CTNS: variants seen among roughly 807,000 people sequenced by gnomAD.
CTNS encodes the protein cystinosin.
Under a neutral mutation model 43.7 loss-of-function variants are expected in CTNS, and 27 were observed. The observed-to-expected ratio is 0.62, with a 90% CI of 0.46 to 0.85. The LOEUF (loss-of-function observed/expected upper bound fraction) is 0.85, where lower values mean the gene tolerates loss of function less well. CTNS is among the 40% of genes least tolerant of loss of function. CTNS has a pLI of 0.00. For synonymous variants in CTNS, 187 were observed against 190.6 expected, an observed-to-expected ratio of 0.98 and a Z score of 0.16; for missense variants, 457 against 475.4, an observed-to-expected ratio of 0.96 and a Z score of 0.36.
At chr17:3,647,635 A>T (rs2075876182) in intron 4 of CTNS, 113 bp downstream of exon 4, 1 of 935,640 alleles carries the variant, frequency 1.1e-6, no homozygotes, top group Admixed American at 1.9e-5. Context: ...CTTGCCTCTT[A>T]CCTGTAAGAC....
At chr17:3,656,999 T>C (rs1294905005) in intron 9 of CTNS, 1 of 744,960 alleles carries the variant, frequency 1.3e-6, no homozygotes, top group Non-Finnish European at 2.2e-6. Flanking sequence ...GGAGAGGCAG[T>C]GCCTGGACTC....
At chr17:3,657,963 C>A (rs370834608) in intron 9 of CTNS, 42 bp from the exon 10 acceptor site, 3 of 1,601,406 alleles carry the variant, frequency 1.9e-6, no homozygotes, top group East Asian at 2.2e-5. Flanking sequence ...CCCGGCGTGG[C>A]CTCTGTGTGG....
intron 3 of CTNS, among the ~76,000 whole-genome samples, chr17:3,641,131 C>G (rs370393534): frequency 2.6e-3 from 397 of 151,832 alleles, no homozygotes; most frequent in Non-Finnish European, 3.5e-3. Flanking sequence ...CCCAGCAGGG[C>G]TAGGGGTCAG....
In CTNS at chr17:3,660,896, G is replaced by A. The variant is rs79668190; in HGVS notation, c.*527G>A. ...TTTCTCTGAAGGCCACTTTCCTGAC[G>A]TACTCTCTGTACATAACTCAGCGTC... is the stretch of plus-strand genomic sequence containing the variant. On this transcript the variant is annotated 3_prime_UTR_variant, in exon 12 of 12. Transcript: ENST00000046640. 14,525 of 1,020,708 alleles carry A rather than the reference G, an allele frequency of 0.014. 1,373 individuals carry two copies. In the African/African-American group the frequency reaches 0.2, roughly 14 times the overall value. The allele number at this position is 1,020,708 out of a possible 1,614,324, so 63.2% of individuals were successfully genotyped here. A position where few individuals can be genotyped will look rare whatever the true frequency, so the allele number is the denominator to read the frequency against.
chr17:3,643,538 G>C (rs958426033), intron 3 of CTNS, among the ~76,000 whole-genome samples: 2 of 152,010 alleles, frequency 1.3e-5, no homozygotes, highest in African/African-American at 4.8e-5. Context: ...ACACCAGCGT[G>C]AGCGACATAG....
chr17:3,641,384 A>ATTTTT (rs869072123), intron 3 of CTNS, among the ~76,000 whole-genome samples: 16 of 31,200 alleles, frequency 5.1e-4, no homozygotes, highest in Non-Finnish European at 5.9e-4. Context: ...ATATATATAT[A>ATTTTT]TTTTTTTTTT....
chr17:3,659,338 G>T (rs1383515194), intron 10 of CTNS, among the ~76,000 whole-genome samples: 1 of 152,200 alleles, frequency 6.6e-6, no homozygotes. Context: ...AGGCCTGTGG[G>T]GGGCGTTAAC....
At chr17:3,639,645 G>A (rs1359788633) in intron 2 of CTNS, among the ~76,000 whole-genome samples, 1 of 146,192 alleles carries the variant, frequency 6.8e-6, no homozygotes, top group African/African-American at 2.5e-5. Flanking sequence ...TCCAGCCTGG[G>A]CAACAGAGCA....
In CTNS at chr17:3,660,381, C is replaced by G. The variant is rs757412668; in HGVS notation, c.*12C>G. The G allele has an allele frequency of 1.9e-6, 3 of 1,614,170 alleles. No individual in the cohort carries two copies. In the South Asian group the frequency reaches 3.3e-5, roughly 18 times the overall value. ...ACCAGCTGAACTAGCACCCAGGGACCCAGTGTACCCAGCCTCTGGCCTCGT... is the reference window on the plus strand; with the variant it reads ...ACCAGCTGAACTAGCACCCAGGGACGCAGTGTACCCAGCCTCTGGCCTCGT... On this transcript the variant is annotated 3_prime_UTR_variant, in exon 12 of 12. Transcript: ENST00000046640.
Position 3,662,225 on chromosome 17 carries a change from T to G in CTNS, c.*1856T>G, listed in dbSNP as rs2076287694. Among the ~76,000 whole-genome samples the G allele has an allele frequency of 6.6e-6, 1 of 151,830 alleles. No individual in the cohort carries two copies. The highest frequency in any genetic ancestry group is 2.4e-5 in the African/African-American group (1 of 41,294). ...ACTTGGTTGGCTGAGGCAGGAGAAT[T>G]ACTTGAACCCAGGAGGCGGAGGTTG... is the stretch of plus-strand genomic sequence containing the variant. On this transcript the variant is annotated 3_prime_UTR_variant, in exon 12 of 12. Coordinates refer to ENST00000046640, the MANE Select transcript of CTNS (RefSeq NM_004937.3).
At position 3,647,472 on chromosome 17, in the gene CTNS, T is replaced by C. The variant is rs2075870364; in HGVS notation, c.90T>C (p.Pro30=). 11 of 1,614,160 alleles carry C rather than the reference T, an allele frequency of 6.8e-6. No individual in the cohort carries two copies. Among genetic ancestry groups the C allele is most frequent in the Non-Finnish European group, 9.3e-6 (11 of 1,179,998 alleles). Residue 30 remains proline (P), a synonymous_variant, in exon 4 of 12, where the codon CCT becomes CCC. Coordinates refer to ENST00000046640, the MANE Select transcript of CTNS (RefSeq NM_004937.3). ...CESSVSLTVP[P]VVKLENGSST... Reference sequence around the variant, plus strand: ...CAAGCGTCAGCCTCACTGTTCCTCCTGTCGTAAAGCTGGAGAACGGCAGCT... The same window carrying C: ...CAAGCGTCAGCCTCACTGTTCCTCCCGTCGTAAAGCTGGAGAACGGCAGCT...
rs2076191312 is a variant in CTNS, at chr17:3,657,896, G to A, written c.682-109G>A. 3 of 1,290,670 alleles carry A rather than the reference G, an allele frequency of 2.3e-6. No homozygotes were observed. In the South Asian group the frequency reaches 3.6e-5, roughly 15 times the overall value. 80.0% of individuals were successfully genotyped at this position (1,290,670 alleles called of 1,614,324 possible). A position where few individuals can be genotyped will look rare whatever the true frequency, so the allele number is the denominator to read the frequency against. ...TTGCAGGGGCTCCTTCAAGGCCAGG[G>A]TCCAGCCTCCGTGCCCCTCTCTAAG... On this transcript the variant is annotated intron_variant, in intron 9 of 11. Coordinates refer to ENST00000046640, the MANE Select transcript of CTNS (RefSeq NM_004937.3).
chr17:3,637,725 C>A (rs1436014285), intron 2 of CTNS, among the ~76,000 whole-genome samples: 2 of 152,198 alleles, frequency 1.3e-5, no homozygotes, highest in Non-Finnish European at 2.9e-5. Context: ...CCTCGGCCTC[C>A]CAAAGTGCTG....
Position 3,657,076 on chromosome 17 carries a change from CAGGGAGGAGGGAGGAGGGCACAGA to C in CTNS, c.681+317_681+340del, listed in dbSNP as rs1255989734. 2.8e-3 allele frequency among the ~76,000 whole-genome samples: 424 copies of C among 151,790 alleles called. 5 individuals are homozygous for C. The highest frequency in any genetic ancestry group is 0.022 in the South Asian group (104 of 4,786). On this transcript the variant is annotated intron_variant, in intron 9 of 11. Transcript: ENST00000046640. ...AGGAGTGCAAGGCCCTGAGCCCTGC[CAGGGAGGAGGGAGGAGGGCACAGA>C]AGGGAGGAGGGAGGAGGGCACAGAA...
intron 3 of CTNS, among the ~76,000 whole-genome samples, chr17:3,643,085 A>T (rs895986071): frequency 6.6e-6 from 1 of 152,016 alleles, no homozygotes; most frequent in Admixed American, 6.6e-5. Flanking sequence ...GAGGCCAAGG[A>T]GGGTGGATCA....
chr17:3,638,973 A>G (rs1410828205), intron 2 of CTNS, among the ~76,000 whole-genome samples: 1 of 152,092 alleles, frequency 6.6e-6, no homozygotes, highest in African/African-American at 2.4e-5. Flanking sequence ...GCAGGCAAAG[A>G]GAGAACCCTG....
chr17:3,658,001 C>G lies in CTNS; in HGVS notation c.682-4C>G. On this transcript the variant is annotated splice_polypyrimidine_tract_variant and splice_region_variant and intron_variant, in intron 9 of 11. Coordinates refer to ENST00000046640, the MANE Select transcript of CTNS (RefSeq NM_004937.3). ...CCACATCTCTGCCCTCCTCTCGCCC[C>G]CAGCGCGGTGGCCAGCGCGTGTCCT... 1 of 1,608,306 alleles carries G rather than the reference C, an allele frequency of 6.2e-7. No individual in the cohort carries two copies. The highest frequency in any genetic ancestry group is 8.5e-7 in the Non-Finnish European group (1 of 1,179,864).
chr17:3,654,438 C>T (rs2076071211), intron 5 of CTNS, among the ~76,000 whole-genome samples: 1 of 152,038 alleles, frequency 6.6e-6, no homozygotes, highest in African/African-American at 2.4e-5. Flanking sequence ...CTTTGGGAGG[C>T]CGAGGTGGGC....
At position 3,648,898 on chromosome 17, in the gene CTNS, C is replaced by A; in HGVS notation, c.192C>A (p.Ser64=). 2 of 1,613,904 alleles carry A rather than the reference C, an allele frequency of 1.2e-6. No individual in the cohort carries two copies. The highest frequency in any genetic ancestry group is 1.7e-6 in the Non-Finnish European group (2 of 1,179,820). ...TCACTTTTGAAATCACATTTCGTTC[C>A]AAAAATATTACTATCCTTGAGCTCC... ...LVITFEITFR[S]KNITILELPD... The change falls in exon 5 of 12, where the codon TCC becomes TCA. Residue 64 remains serine, a synonymous_variant. Transcript: ENST00000046640.
Sources: gnomAD v4.1 joint callset for allele counts (sites outside exome capture counted in the v4.1 genomes callset) on GRCh38, gnomAD v4.1.1 for gene constraint, MANE v1.5 for transcripts, NCBI Gene and HGNC (gene_info 2026-07-23, HGNC 2026-07-21) for gene names.